Variants in CCDC82 observed in about 807,000 individuals in gnomAD.
CCDC82 encodes coiled-coil domain containing 82, also known as coiled-coil domain-containing protein 82.
Under a neutral mutation model 60.6 loss-of-function variants are expected in CCDC82, and 47 were observed. The observed-to-expected ratio is 0.77, with a 90% CI of 0.61 to 0.99. The LOEUF (loss-of-function observed/expected upper bound fraction) is 0.99. CCDC82 is among the 50% of genes least tolerant of loss of function. The probability of loss-of-function intolerance (pLI) is 0.00; values close to 1 mark genes in which losing one functional copy is unlikely to be tolerated. For missense variants in CCDC82, 588 were observed against 633.0 expected (o/e 0.93, Z 0.76); for synonymous variants, 212 against 207.4 (o/e 1.02, Z -0.19).
chr11:96,374,916 T>C (rs141450223), intron 5 of CCDC82, among the ~76,000 whole-genome samples: 2,065 of 152,196 alleles, frequency 0.014, 29 homozygotes, highest in Non-Finnish European at 0.015. Context: ...CACTAGTGAA[T>C]CTTATTAAAA....
At chr11:96,385,071 T>A (rs530692341) in intron 3 of CCDC82, 1 of 181,194 alleles carries the variant, frequency 5.5e-6, no homozygotes, top group South Asian at 1.7e-4. Flanking sequence ...CTAAAACATA[T>A]AATAATTAAG....
intron 5 of CCDC82, among the ~76,000 whole-genome samples, chr11:96,373,808 A>T (rs914065862): frequency 6.6e-6 from 1 of 152,214 alleles, no homozygotes; most frequent in African/African-American, 2.4e-5. Flanking sequence ...AGAGTGACAG[A>T]ACAAGAGAGA....
At chr11:96,372,659 AATAT>A (rs891637050) in intron 6 of CCDC82, among the ~76,000 whole-genome samples, 1 of 145,438 alleles carries the variant, frequency 6.9e-6, no homozygotes, top group Non-Finnish European at 1.5e-5. Flanking sequence ...TATAAATATA[AATAT>A]ATATAAACAT....
At chr11:96,362,165 G>A (rs1352776602) in intron 8 of CCDC82, among the ~76,000 whole-genome samples, 1 of 152,192 alleles carries the variant, frequency 6.6e-6, no homozygotes, top group Non-Finnish European at 1.5e-5. Context: ...ATAACAAACT[G>A]AGGCAAGGAA....
At chr11:96,373,300 G>A (rs1865381549) in intron 6 of CCDC82, 75 bp downstream of exon 6, 1 of 910,362 alleles carries the variant, frequency 1.1e-6, no homozygotes, top group Non-Finnish European at 1.7e-6. Flanking sequence ...AATCTACATA[G>A]TTTTAAAAGT....
intron 4 of CCDC82, 67 bp from the exon 5 acceptor site, chr11:96,383,540 T>G: frequency 1.0e-6 from 1 of 1,003,122 alleles, no homozygotes; most frequent in Non-Finnish European, 1.4e-6. Context: ...GATATAAAAT[T>G]AAAACATTAA....
chr11:96,376,670 C>T (rs1297129858), intron 5 of CCDC82, among the ~76,000 whole-genome samples: 1 of 152,036 alleles, frequency 6.6e-6, no homozygotes, highest in South Asian at 2.1e-4. Flanking sequence ...TCAGGTGATC[C>T]GCCCTCCTCA....
At chr11:96,387,241 G>C (rs1159491809) in intron 2 of CCDC82, 1 of 152,112 alleles carries the variant, frequency 6.6e-6, no homozygotes, top group East Asian at 1.9e-4. Context: ...ATTTTTATTA[G>C]TACCCAAAAG....
intron 9 of CCDC82, chr11:96,357,791 A>G: frequency 1.0e-6 from 1 of 985,454 alleles, no homozygotes; most frequent in Non-Finnish European, 1.2e-6. Context: ...GAAGACGGGA[A>G]GTTATTGAAT....
intron 8 of CCDC82, among the ~76,000 whole-genome samples, chr11:96,362,224 T>A (rs570778990): frequency 2.3e-4 from 35 of 152,332 alleles, no homozygotes; most frequent in African/African-American, 8.2e-4. Flanking sequence ...TAGCTAACTG[T>A]AGGTAGCTTT....
intron 2 of CCDC82, chr11:96,386,995 A>G (rs1191388153): frequency 1.3e-5 from 2 of 152,254 alleles, no homozygotes; most frequent in Non-Finnish European, 2.9e-5. Flanking sequence ...GGCATCTTAC[A>G]TTTTTAAGCT....
Position 96,357,845 on chromosome 11 carries a change from G to C in CCDC82, c.1566+1148C>G, listed in dbSNP as rs1008243670. 14 of 985,182 alleles carry C rather than the reference G, an allele frequency of 1.4e-5. No homozygotes were observed. In the African/African-American group the frequency reaches 2.4e-4, roughly 17 times the overall value. 61.0% of individuals were successfully genotyped at this position (985,182 alleles called of 1,614,324 possible). ...CAAATGAAAAAGTACGGATAAGCAG[G>C]GAGAAGCATTTGGAGTAGGAGAAGT... On this transcript the variant is annotated intron_variant, in intron 9 of 9. Coordinates refer to ENST00000646818, the MANE Select transcript of CCDC82 (RefSeq NM_024725.4).
At chr11:96,377,088 G>A (rs1865614679) in intron 5 of CCDC82, among the ~76,000 whole-genome samples, 1 of 152,178 alleles carries the variant, frequency 6.6e-6, no homozygotes. Flanking sequence ...TATTCGCTTA[G>A]GTAAAAGCAT....
At chr11:96,358,438 G>A (rs771851907) in intron 9 of CCDC82, 18 of 1,229,148 alleles carry the variant, frequency 1.5e-5, no homozygotes, top group Non-Finnish European at 1.8e-5. Flanking sequence ...TAGGATATGG[G>A]GGAATCAAAA....
intron 8 of CCDC82, among the ~76,000 whole-genome samples, chr11:96,362,968 C>CT (rs1174356718): frequency 1.7e-3 from 243 of 145,322 alleles, no homozygotes; most frequent in Middle Eastern, 3.5e-3. Flanking sequence ...TTTTTCTTTT[C>CT]TTTTTTTTTT....
chr11:96,380,190 T>A (rs1424182442), intron 5 of CCDC82, among the ~76,000 whole-genome samples: 1 of 151,726 alleles, frequency 6.6e-6, no homozygotes, highest in East Asian at 1.9e-4. Context: ...AATACAGTGC[T>A]TTGTAGAGTT....
chr11:96,384,670 C>T lies in CCDC82; in HGVS notation c.78G>A (p.Trp26Ter). ...HVPEQKSRVD[W>*]RRTKRSSISQ... Reference sequence around the variant, plus strand: ...AGATACTACTTCTTTTAGTTCGCCTCCAATCAACTCGAGATTTCTGCTCAG... The same window carrying T: ...AGATACTACTTCTTTTAGTTCGCCTTCAATCAACTCGAGATTTCTGCTCAG... The change falls in exon 4 of 10, where the codon TGG becomes TGA. Residue 26 changes from tryptophan (W) to a stop codon, truncating the protein, a stop_gained. Transcript: ENST00000646818. LOFTEE classifies it high-confidence loss of function. 1 of 1,613,412 alleles carries T rather than the reference C, an allele frequency of 6.2e-7. No individual in the cohort carries two copies. Among genetic ancestry groups the T allele is most frequent in the Non-Finnish European group, 8.5e-7 (1 of 1,179,636 alleles).
intron 1 of CCDC82, chr11:96,388,636 C>A (rs1432288874): frequency 6.6e-6 from 1 of 152,160 alleles, no homozygotes; most frequent in Non-Finnish European, 1.5e-5. Flanking sequence ...AATATAGTTC[C>A]TTCTAAACTT....
intron 5 of CCDC82, among the ~76,000 whole-genome samples, chr11:96,374,993 A>AG (rs1192438646): frequency 6.6e-6 from 1 of 151,096 alleles, no homozygotes; most frequent in Non-Finnish European, 1.5e-5. Context: ...AGAAAAAAAA[A>AG]AGAAATAATA....
Sources: gnomAD v4.1 joint callset for allele counts (sites outside exome capture counted in the v4.1 genomes callset) on GRCh38, gnomAD v4.1.1 for gene constraint, MANE v1.5 for transcripts, NCBI Gene and HGNC (gene_info 2026-07-23, HGNC 2026-07-21) for gene names.